Variants in CACNB2 observed in about 807,000 individuals in gnomAD.
The protein encoded by CACNB2 is voltage-dependent L-type calcium channel subunit beta-2.
CACNB2 carries 42 observed loss-of-function variants against 73.3 expected under a neutral mutation model. The observed-to-expected ratio is 0.57, with a 90% CI of 0.45 to 0.74. The LOEUF (loss-of-function observed/expected upper bound fraction) is 0.74. CACNB2 is among the 30% of genes least tolerant of loss of function. The pLI, the probability that CACNB2 is intolerant of heterozygous loss-of-function variation, is 0.00. For synonymous variants in CACNB2, 348 were observed against 310.3 expected, an observed-to-expected ratio of 1.12 and a Z score of -1.28; for missense variants, 940 against 853.0, an observed-to-expected ratio of 1.10 and a Z score of -1.27.
intron 2 of CACNB2, among the ~76,000 whole-genome samples, chr10:18,179,785 A>T (rs1311756054): frequency 6.6e-6 from 1 of 152,136 alleles, no homozygotes; most frequent in Non-Finnish European, 1.5e-5. Context: ...ATAATATTAA[A>T]ACTCTTTCAG....
At chr10:18,409,304 A>G (rs1471485203) in intron 3 of CACNB2, among the ~76,000 whole-genome samples, 3 of 147,772 alleles carry the variant, frequency 2.0e-5, no homozygotes, top group Admixed American at 2.0e-4. Context: ...GTCTCCAGGA[A>G]AAAAAAAAAA....
intron 2 of CACNB2, among the ~76,000 whole-genome samples, chr10:18,282,853 A>C (rs940115958): frequency 5.3e-5 from 8 of 152,242 alleles, no homozygotes; most frequent in African/African-American, 1.7e-4. Flanking sequence ...TCTGCACAGC[A>C]AAAGAAACTA....
chr10:18,269,150 C>T (rs1419096364), intron 2 of CACNB2, among the ~76,000 whole-genome samples: 1 of 152,066 alleles, frequency 6.6e-6, no homozygotes, highest in Non-Finnish European at 1.5e-5. Flanking sequence ...GGCAGATTTC[C>T]TAAATAAATA....
chr10:18,442,968 ATGTGT>A (rs2046517766), intron 3 of CACNB2, among the ~76,000 whole-genome samples: 1 of 25,702 alleles, frequency 3.9e-5, no homozygotes, highest in Non-Finnish European at 5.8e-5. Flanking sequence ...GTATATATAT[ATGTGT>A]ATATATATAT....
intron 3 of CACNB2, among the ~76,000 whole-genome samples, chr10:18,411,506 A>ATTTTTTTT (rs72400253): frequency 1.6e-5 from 2 of 125,690 alleles, no homozygotes; most frequent in Non-Finnish European, 3.3e-5. Context: ...GTCTTTGAGC[A>ATTTTTTTT]TTTTTTTTTT....
chr10:18,416,595 AGAGACAG>A, intron 3 of CACNB2, among the ~76,000 whole-genome samples: 1 of 152,272 alleles, frequency 6.6e-6, no homozygotes, highest in African/African-American at 2.4e-5. Context: ...TTTTTTTAGT[AGAGACAG>A]GGTTTTGCCA....
chr10:18,473,926 C>T (rs986999070), intron 3 of CACNB2, among the ~76,000 whole-genome samples: 2 of 152,156 alleles, frequency 1.3e-5, no homozygotes, highest in African/African-American at 4.8e-5. Flanking sequence ...GCAGGTGCAG[C>T]TCCCCGCCAC....
At chr10:18,155,513 C>T (rs1401367741) in intron 2 of CACNB2, among the ~76,000 whole-genome samples, 1 of 152,202 alleles carries the variant, frequency 6.6e-6, no homozygotes, top group Non-Finnish European at 1.5e-5. Context: ...ATTGATGTTC[C>T]TATGCACATT....
At chr10:18,382,324 C>T (rs2132378550) in intron 2 of CACNB2, among the ~76,000 whole-genome samples, 1 of 152,024 alleles carries the variant, frequency 6.6e-6, no homozygotes, top group South Asian at 2.1e-4. Context: ...ACAGTTGTAT[C>T]TTTCTTTGTA....
chr10:18,324,869 A>G (rs1014731295), intron 2 of CACNB2, among the ~76,000 whole-genome samples: 2 of 151,294 alleles, frequency 1.3e-5, no homozygotes, highest in African/African-American at 4.8e-5. Flanking sequence ...ATGTCAAAAC[A>G]ACAACAACAA....
At chr10:18,141,372 C>A (rs980345221) in intron 1 of CACNB2, among the ~76,000 whole-genome samples, 1 of 152,176 alleles carries the variant, frequency 6.6e-6, no homozygotes, top group East Asian at 1.9e-4. Context: ...CCTGCCGGAT[C>A]CCCCCAGAGC....
intron 5 of CACNB2, 25 bp downstream of exon 5, chr10:18,500,973 G>C: frequency 1.9e-6 from 3 of 1,609,830 alleles, no homozygotes; most frequent in Non-Finnish European, 1.7e-6. Context: ...TCAAGTGTTT[G>C]CATAAAACTT....
Position 18,540,408 on chromosome 10 carries a change from A to ACAGGGACTAGAAATGCCCACATT in CACNB2, c.*689_*711dup, listed in dbSNP as rs2054009386. 1 of 152,510 alleles carries ACAGGGACTAGAAATGCCCACATT rather than the reference A, an allele frequency of 6.6e-6. No individual in the cohort carries two copies. Among genetic ancestry groups the ACAGGGACTAGAAATGCCCACATT allele is most frequent in the African/African-American group, 2.4e-5 (1 of 41,434 alleles). The allele number at this position is 152,510 out of a possible 1,614,324, so 9.4% of individuals were successfully genotyped here. A position where few individuals can be genotyped will look rare whatever the true frequency, so the allele number is the denominator to read the frequency against. Reference sequence around the variant, plus strand: ...AGTCAGCAGATTTGCTTTATGAATTACAGGGACTAGAAATGCCCACATTCA... The same window carrying ACAGGGACTAGAAATGCCCACATT: ...AGTCAGCAGATTTGCTTTATGAATTACAGGGACTAGAAATGCCCACATTCAGGGACTAGAAATGCCCACATTCA... On this transcript the variant is annotated 3_prime_UTR_variant, in exon 14 of 14. Transcript: ENST00000324631.
intron 3 of CACNB2, among the ~76,000 whole-genome samples, chr10:18,422,045 A>T (rs1489412936): frequency 6.6e-6 from 1 of 152,254 alleles, no homozygotes; most frequent in Non-Finnish European, 1.5e-5. Context: ...GTCAGTGATT[A>T]GCGATTTTGA....
At chr10:18,251,850 G>A (rs915501187) in intron 2 of CACNB2, among the ~76,000 whole-genome samples, 7 of 152,084 alleles carry the variant, frequency 4.6e-5, no homozygotes, top group African/African-American at 1.7e-4. Context: ...ACAAGAAACA[G>A]CAAGGGGGAA....
At chr10:18,500,011 T>C (rs2050107547) in intron 4 of CACNB2, among the ~76,000 whole-genome samples, 1 of 152,012 alleles carries the variant, frequency 6.6e-6, no homozygotes, top group Admixed American at 6.6e-5. Context: ...GAGCCTACCA[T>C]TTTGGTAACC....
chr10:18,468,428 T>A (rs1056813738), intron 3 of CACNB2, among the ~76,000 whole-genome samples: 1 of 152,000 alleles, frequency 6.6e-6, no homozygotes, highest in Non-Finnish European at 1.5e-5. Context: ...ACCACTGCAT[T>A]CCAGCCTGGA....
At chr10:18,365,932 G>C (rs1564472563) in intron 2 of CACNB2, among the ~76,000 whole-genome samples, 1 of 152,122 alleles carries the variant, frequency 6.6e-6, no homozygotes, top group Non-Finnish European at 1.5e-5. Context: ...GTGGAGGGTA[G>C]GAATTCCAGG....
intron 2 of CACNB2, chr10:18,206,259 T>C (rs2035087821): frequency 6.6e-6 from 1 of 152,514 alleles, no homozygotes; most frequent in South Asian, 2.1e-4. Context: ...CCCAAAGTGC[T>C]GGGGACTACA....
Sources: allele counts gnomAD v4.1 joint callset (sites outside exome capture counted in the v4.1 genomes callset), GRCh38; gene constraint gnomAD v4.1.1; transcripts MANE v1.5; gene names NCBI Gene and HGNC (gene_info 2026-07-23, HGNC 2026-07-21).